ARHGAP19: variants seen among roughly 807,000 people sequenced by gnomAD.
The protein encoded by ARHGAP19 is Rho GTPase activating protein 19, also known as rho GTPase-activating protein 19.
Under a neutral mutation model 60.9 loss-of-function variants are expected in ARHGAP19, and 48 were observed. The ratio of observed to expected loss-of-function variants is 0.79; its 90% confidence interval spans 0.62 to 1.00. The LOEUF (loss-of-function observed/expected upper bound fraction) is 1.00. Ranked by LOEUF, ARHGAP19 falls within the 50% of genes least tolerant of loss-of-function variation. The pLI, the probability that ARHGAP19 is intolerant of heterozygous loss-of-function variation, is 0.00. For missense variants in ARHGAP19, 562 were observed against 597.2 expected (o/e 0.94, Z 0.61); for synonymous variants, 209 against 215.5 (o/e 0.97, Z 0.27).
At chr10:97,256,982 G>A (rs974330311) in intron 5 of ARHGAP19, among the ~76,000 whole-genome samples, 1 of 152,104 alleles carries the variant, frequency 6.6e-6, no homozygotes, top group Non-Finnish European at 1.5e-5. Flanking sequence ...TTAGCCGGGC[G>A]TGGTGGCGGG....
chr10:97,227,318 A>G (rs1358118016), intron 11 of ARHGAP19, among the ~76,000 whole-genome samples: 2 of 152,210 alleles, frequency 1.3e-5, no homozygotes, highest in Non-Finnish European at 2.9e-5. Context: ...GAGACTGCCA[A>G]TGTCTGAAGA....
chr10:97,290,698 T>C (rs953688140), intron 1 of ARHGAP19, among the ~76,000 whole-genome samples: 1 of 152,158 alleles, frequency 6.6e-6, no homozygotes, highest in Non-Finnish European at 1.5e-5. Flanking sequence ...GAATTGAAAC[T>C]GTAAAACTAC....
intron 1 of ARHGAP19, among the ~76,000 whole-genome samples, chr10:97,269,029 G>A (rs1842932041): frequency 6.6e-6 from 1 of 152,046 alleles, no homozygotes; most frequent in Non-Finnish European, 1.5e-5. Context: ...ATCTCAGTCG[G>A]GCAGAATTGA....
intron 11 of ARHGAP19, among the ~76,000 whole-genome samples, chr10:97,227,895 C>T (rs1390403009): frequency 6.6e-6 from 1 of 152,170 alleles, no homozygotes; most frequent in African/African-American, 2.4e-5. Flanking sequence ...TTCTTTCTTT[C>T]CAAGGTAGAG....
intron 1 of ARHGAP19, among the ~76,000 whole-genome samples, chr10:97,274,564 G>A (rs143977276): frequency 6.3e-4 from 96 of 152,222 alleles, no homozygotes; most frequent in African/African-American, 2.2e-3. Context: ...ATGGCAAAAT[G>A]TTAAGATTTG....
At chr10:97,265,013 C>G in intron 2 of ARHGAP19, 107 bp from the exon 3 acceptor site, 1 of 838,862 alleles carries the variant, frequency 1.2e-6, no homozygotes, top group Non-Finnish European at 1.9e-6. Flanking sequence ...CAAGCATTTT[C>G]ACATGGTCAG....
At chr10:97,235,916 A>C (rs1342669653) in intron 8 of ARHGAP19, among the ~76,000 whole-genome samples, 2 of 152,172 alleles carry the variant, frequency 1.3e-5, no homozygotes, top group African/African-American at 4.8e-5. Context: ...TTCCCACTTA[A>C]AAAGTAATAA....
chr10:97,283,975 C>T (rs1009289168), intron 1 of ARHGAP19, among the ~76,000 whole-genome samples: 7 of 151,494 alleles, frequency 4.6e-5, no homozygotes, highest in African/African-American at 1.5e-4. Context: ...ACTCTGGCAC[C>T]CAGGCTGGAG....
At chr10:97,262,152 G>C (rs532705439) in intron 4 of ARHGAP19, among the ~76,000 whole-genome samples, 29 of 149,066 alleles carry the variant, frequency 1.9e-4, no homozygotes, top group African/African-American at 6.4e-4. Flanking sequence ...AGGAGTTTGA[G>C]ACCAGCCTGG....
chr10:97,242,492 C>G (rs1199216969), intron 8 of ARHGAP19, among the ~76,000 whole-genome samples: 2 of 151,622 alleles, frequency 1.3e-5, no homozygotes, highest in African/African-American at 4.8e-5. Context: ...TGCCACCACA[C>G]CCGGCTAATT....
At position 97,264,837 on chromosome 10, in the gene ARHGAP19, TACTC is replaced by T. The variant is rs1452260297; in HGVS notation, c.388_391del (p.Glu130IlefsTer8). ...TCAAGTAGTCTTACTTTTGTGTAGATACTCAATCAGTTGGTATATCTGGGCAATG... is the reference window on the plus strand; with the variant it reads ...TCAAGTAGTCTTACTTTTGTGTAGATAATCAGTTGGTATATCTGGGCAATG... On this transcript the variant is annotated frameshift_variant, in exon 3 of 12. Coordinates refer to ENST00000358531, the MANE Select transcript of ARHGAP19 (RefSeq NM_032900.6). LOFTEE classifies it high-confidence loss of function. 18 of 1,610,616 alleles carry T rather than the reference TACTC, an allele frequency of 1.1e-5. No homozygotes were observed. Among genetic ancestry groups the T allele is most frequent in the Non-Finnish European group, 1.4e-5 (16 of 1,177,336 alleles).
intron 1 of ARHGAP19, among the ~76,000 whole-genome samples, chr10:97,287,918 C>T (rs977502274): frequency 2.6e-5 from 4 of 152,064 alleles, no homozygotes; most frequent in Non-Finnish European, 5.9e-5. Flanking sequence ...CAAAATTAGC[C>T]GGGCTTGGTG....
At chr10:97,282,032 C>A (rs1381677399) in intron 1 of ARHGAP19, among the ~76,000 whole-genome samples, 2 of 152,146 alleles carry the variant, frequency 1.3e-5, no homozygotes, top group Admixed American at 1.3e-4. Flanking sequence ...ATTCCCAATA[C>A]GTATTTTCCC....
intron 1 of ARHGAP19, among the ~76,000 whole-genome samples, chr10:97,272,355 G>A (rs756318213): frequency 7.2e-5 from 11 of 151,790 alleles, no homozygotes; most frequent in African/African-American, 9.7e-5. Context: ...GGCTGGTCTC[G>A]AACTCCTGAG....
chr10:97,292,631 C>T lies in ARHGAP19; in HGVS notation c.-4G>A. ...CACTCTGTGCCTCAGTCGCCATCTT[C>T]GTCAGCAAACTTCTTTCACCGCCCC... is the stretch of plus-strand genomic sequence containing the variant. On this transcript the variant is annotated 5_prime_UTR_variant, in exon 1 of 12. Coordinates refer to ENST00000358531, the MANE Select transcript of ARHGAP19 (RefSeq NM_032900.6). 12 of 1,614,208 alleles carry T rather than the reference C, an allele frequency of 7.4e-6. No individual in the cohort carries two copies. Among genetic ancestry groups the T allele is most frequent in the African/African-American group, 1.3e-5 (1 of 75,060 alleles).
chr10:97,254,625 G>A (rs1467170663), intron 6 of ARHGAP19, among the ~76,000 whole-genome samples: 1 of 152,122 alleles, frequency 6.6e-6, no homozygotes, highest in Non-Finnish European at 1.5e-5. Flanking sequence ...AATGGATGTG[G>A]CAGTGATTTC....
At chr10:97,253,312 A>T (rs1842712696) in intron 6 of ARHGAP19, among the ~76,000 whole-genome samples, 1 of 151,422 alleles carries the variant, frequency 6.6e-6, no homozygotes. Flanking sequence ...CAGGAGACGG[A>T]GGCTGCAGTG....
At position 97,266,395 on chromosome 10, in the gene ARHGAP19, G is replaced by C. The variant is rs535067407; in HGVS notation, c.57-270C>G. Among the ~76,000 whole-genome samples the C allele has an allele frequency of 3.3e-5, 5 of 152,180 alleles. No individual in the cohort carries two copies. The South Asian group carries it at 1.0e-3, about 32-fold the overall frequency. On this transcript the variant is annotated intron_variant, in intron 1 of 11. Transcript: ENST00000358531. ...TTTACTTTAAAATCCTTCAATTCTG[G>C]ATGCCTCTGACCCATTCGTCATCAT...
chr10:97,232,495 G>A (rs1038848261), intron 9 of ARHGAP19, among the ~76,000 whole-genome samples: 1 of 152,174 alleles, frequency 6.6e-6, no homozygotes, highest in East Asian at 1.9e-4. Flanking sequence ...TGTTTTTGCT[G>A]TGTTGAGTTA....
Sources: allele counts gnomAD v4.1 joint callset (sites outside exome capture counted in the v4.1 genomes callset), GRCh38; gene constraint gnomAD v4.1.1; transcripts MANE v1.5; gene names NCBI Gene and HGNC (gene_info 2026-07-23, HGNC 2026-07-21).